ZNF442: variants seen among roughly 807,000 people sequenced by gnomAD.
ZNF442 encodes the protein zinc finger protein 442.
ZNF442 carries 45 observed loss-of-function variants against 57.0 expected under a neutral mutation model. That is an observed-to-expected ratio of 0.79 (90% CI 0.62 to 1.01). The LOEUF (loss-of-function observed/expected upper bound fraction) is 1.01. Ranked by LOEUF, ZNF442 falls within the 50% of genes least tolerant of loss-of-function variation. The probability of loss-of-function intolerance (pLI) is 0.00; values close to 1 mark genes in which losing one functional copy is unlikely to be tolerated. For missense variants in ZNF442, 690 were observed against 756.5 expected, an observed-to-expected ratio of 0.91 and a Z score of 1.03; for synonymous variants, 213 against 241.8, an observed-to-expected ratio of 0.88 and a Z score of 1.10.
Position 12,349,815 on chromosome 19 carries a change from A to G in ZNF442, c.1770T>C (p.His590=), listed in dbSNP as rs1969185110. 2.8e-5 allele frequency: 46 copies of G among 1,614,080 alleles called. No homozygotes were observed. Among genetic ancestry groups the G allele is most frequent in the Non-Finnish European group, 3.9e-5 (46 of 1,180,004 alleles). Residue 590 remains histidine (H), a synonymous_variant, in exon 6 of 6, where the codon CAT becomes CAC. Coordinates refer to ENST00000242804, the MANE Select transcript of ZNF442 (RefSeq NM_030824.3). ...AFTRSRFLRG[H]EKTHTGEKMH... is the part of the protein sequence containing the mutation. The stretch of plus-strand genomic sequence containing the variant: ...TCTTCTCTCCAGTGTGAGTTTTTTC[A>G]TGTCCTCGAAGGAAACGAGAACGAG...
At position 12,350,637 on chromosome 19, in the gene ZNF442, A is replaced by G. The variant is rs1270415757; in HGVS notation, c.948T>C (p.Thr316=). The G allele has an allele frequency of 6.2e-7, 1 of 1,613,996 alleles. No homozygotes were observed. The highest frequency in any genetic ancestry group is 1.1e-5 in the South Asian group (1 of 91,068). The change falls in exon 6 of 6, where the codon ACT becomes ACC. Residue 316 remains threonine (T), a synonymous_variant. Coordinates refer to ENST00000242804, the MANE Select transcript of ZNF442 (RefSeq NM_030824.3). The stretch of plus-strand genomic sequence containing the variant: ...GCTTGCATTCATAGGGTTTCTCTCC[A>G]GTGTGAGTTCTTTCATGTATTCGAA... ...SSLRIHERTH[T]GEKPYECKQC...
In ZNF442 at chr19:12,349,606, G is replaced by T; in HGVS notation, c.*95C>A. 2 of 1,287,404 alleles carry T rather than the reference G, an allele frequency of 1.6e-6. No homozygotes were observed. The highest frequency in any genetic ancestry group is 3.0e-5 in the South Asian group (2 of 66,668). The allele number at this position is 1,287,404 out of a possible 1,614,324, so 79.7% of individuals were successfully genotyped here. A position where few individuals can be genotyped will look rare whatever the true frequency, so the allele number is the denominator to read the frequency against. On this transcript the variant is annotated 3_prime_UTR_variant, in exon 6 of 6. Transcript: ENST00000242804. The stretch of plus-strand genomic sequence containing the variant: ...CCATATTCAAAAGAAACATCTTAAG[G>T]CTTTACCATGTGTTTGCATTCATGA...
At position 12,364,833 on chromosome 19, in the gene ZNF442, T is replaced by C. The variant is rs7249448; in HGVS notation, c.-72A>G. ...CCCCACTGCCTCGCGGGGGCCGCCT[T>C]CCTGAGAGTCAGGTCACAGAAGACA... On this transcript the variant is annotated 5_prime_UTR_variant, in exon 2 of 6. Coordinates refer to ENST00000242804, the MANE Select transcript of ZNF442 (RefSeq NM_030824.3). 3,651 of 152,240 alleles carry C rather than the reference T, an allele frequency of 0.024. 151 individuals are homozygous for C. The highest frequency in any genetic ancestry group is 0.083 in the African/African-American group (3,460 of 41,506). 9.4% of individuals were successfully genotyped at this position (152,240 alleles called of 1,614,324 possible).
intron 3 of ZNF442, among the ~76,000 whole-genome samples, chr19:12,357,499 C>G (rs1166207273): frequency 6.6e-6 from 1 of 151,810 alleles, no homozygotes; most frequent in Non-Finnish European, 1.5e-5. Context: ...TTACAGGTGC[C>G]CATCACCATG....
At chr19:12,366,721 C>A (rs1271718230), upstream of ZNF442, among the ~76,000 whole-genome samples, 2 of 152,192 alleles carry the variant, frequency 1.3e-5, no homozygotes, top group African/African-American at 4.8e-5. Flanking sequence ...ACCTCCGCCT[C>A]CCAAGTTGAA....
At chr19:12,370,185 G>A (rs904041616), upstream of ZNF442, among the ~76,000 whole-genome samples, 7 of 151,464 alleles carry the variant, frequency 4.6e-5, no homozygotes, top group African/African-American at 1.7e-4. Flanking sequence ...GGAGCCCTGA[G>A]CTTGTTTTCC....
intron 3 of ZNF442, among the ~76,000 whole-genome samples, chr19:12,358,939 AAT>A (rs1364655191): frequency 1.2e-4 from 18 of 152,194 alleles, no homozygotes; most frequent in Admixed American, 1.2e-3. Flanking sequence ...CAGGGTCAAT[AAT>A]GTGCCAAGCC....
chr19:12,357,987 G>GCTT (rs1188593422), intron 3 of ZNF442, among the ~76,000 whole-genome samples: 1 of 147,820 alleles, frequency 6.8e-6, no homozygotes, highest in Non-Finnish European at 1.5e-5. Flanking sequence ...TTTTGAGATG[G>GCTT]AGTTTCGCTC....
At chr19:12,363,793 A>G (rs766077535) in intron 2 of ZNF442, 122 bp from the exon 3 acceptor site, 11 of 636,738 alleles carry the variant, frequency 1.7e-5, no homozygotes, top group Non-Finnish European at 2.5e-5. Flanking sequence ...GCCCCACCCC[A>G]ACACCTCAGG....
chr19:12,351,059 T>A lies in ZNF442; in HGVS notation c.526A>T (p.Thr176Ser). The A allele has an allele frequency of 6.2e-7, 1 of 1,614,164 alleles. No homozygotes were observed. The highest frequency in any genetic ancestry group is 8.5e-7 in the Non-Finnish European group (1 of 1,180,008). Residue 176 changes from threonine to serine, a missense_variant, in exon 6 of 6, where the codon ACT (threonine) becomes TCT (serine). Physicochemically the swap from Thr to Ser is moderately conservative, Grantham distance 58 (BLOSUM62 1). Transcript: ENST00000242804. ...TTACAATCATAGCGTTTCTTTCCAG[T>A]GTGAGGTCTTTCCTGTGTTTGAAAG... Reference protein sequence around the residue: ...HSFQTQERPHTGKKRYDCKEC... With the variant: ...HSFQTQERPHSGKKRYDCKEC...
At chr19:12,370,329 G>C (rs114778648), upstream of ZNF442, among the ~76,000 whole-genome samples, 2,162 of 152,036 alleles carry the variant, frequency 0.014, 60 homozygotes, top group African/African-American at 0.05. Flanking sequence ...AGAATCTAAT[G>C]CTGCCTCTGA....
At chr19:12,372,265 T>C in the ZNF442 span, among the ~76,000 whole-genome samples, 1 of 152,138 alleles carries the variant, frequency 6.6e-6, no homozygotes, top group Admixed American at 6.5e-5. Context: ...GAGACCAGCC[T>C]GGCCAACATG....
chr19:12,350,821 T>G lies in ZNF442; in HGVS notation c.764A>C (p.His255Pro), dbSNP rs781170720. 1.2e-6 allele frequency: 2 copies of G among 1,614,106 alleles called. No individual in the cohort carries two copies. The highest frequency in any genetic ancestry group is 1.7e-6 in the Non-Finnish European group (2 of 1,180,002). ...AFPIYSSYLR[H>P]ERTHTGEKPY... ...TTTCTCCCCAGTGTGTGTTCTTTCATGTCTTAGATAGGAACTGTAAATAGG... is the reference window on the plus strand; with the variant it reads ...TTTCTCCCCAGTGTGTGTTCTTTCAGGTCTTAGATAGGAACTGTAAATAGG... The change falls in exon 6 of 6, where the codon CAT becomes CCT. Residue 255 changes from histidine (H) to proline (P), a missense_variant. His to Pro is a moderately conservative substitution (Grantham distance 77). Transcript: ENST00000242804.
At chr19:12,373,635 A>G in the ZNF442 span, 1 of 281,626 alleles carries the variant, frequency 3.6e-6, no homozygotes, top group Non-Finnish European at 7.3e-6. Flanking sequence ...GCATCTGTTC[A>G]AACCAGCATG....
chr19:12,357,224 T>G (rs1223494282), intron 3 of ZNF442, among the ~76,000 whole-genome samples: 1 of 152,046 alleles, frequency 6.6e-6, no homozygotes, highest in Non-Finnish European at 1.5e-5. Flanking sequence ...TTAGTTCTAT[T>G]TTTTTTGCAT....
intron 3 of ZNF442, among the ~76,000 whole-genome samples, chr19:12,362,141 C>T (rs538358982): frequency 3.9e-5 from 6 of 152,328 alleles, no homozygotes; most frequent in Admixed American, 6.5e-5. Flanking sequence ...CTGGCTGCCA[C>T]CCCATCTGGG....
chr19:12,367,507 A>G (rs1033458598), upstream of ZNF442, among the ~76,000 whole-genome samples: 1 of 152,184 alleles, frequency 6.6e-6, no homozygotes, highest in Non-Finnish European at 1.5e-5. Flanking sequence ...AGAATTTACC[A>G]GGCTGGAACT....
At chr19:12,371,720 G>A in the ZNF442 span, among the ~76,000 whole-genome samples, 3 of 152,166 alleles carry the variant, frequency 2.0e-5, no homozygotes, top group Non-Finnish European at 2.9e-5. Context: ...TCAATAAATG[G>A]TTATGGTTTA....
intron 5 of ZNF442, 126 bp from the exon 6 acceptor site, chr19:12,351,444 T>A (rs1969236749): frequency 3.9e-6 from 3 of 778,294 alleles, no homozygotes; most frequent in Middle Eastern, 3.7e-4. Flanking sequence ...TGCTTGAACG[T>A]GAATGGACTG....
Sources: allele counts gnomAD v4.1 joint callset (sites outside exome capture counted in the v4.1 genomes callset), GRCh38; gene constraint gnomAD v4.1.1; transcripts MANE v1.5; gene names NCBI Gene and HGNC (gene_info 2026-07-23, HGNC 2026-07-21).